Variants in FRMD3 observed in about 807,000 individuals in gnomAD.
FRMD3 encodes FERM domain containing 3, also known as FERM domain-containing protein 3.
A neutral mutation model predicts 70.2 loss-of-function variants in FRMD3; 33 were observed. That is an observed-to-expected ratio of 0.47 (90% CI 0.36 to 0.63). The LOEUF (loss-of-function observed/expected upper bound fraction) is 0.63. Ranked by LOEUF, FRMD3 falls within the 20% of genes least tolerant of loss-of-function variation. The probability of loss-of-function intolerance (pLI) is 0.00; values close to 1 mark genes in which losing one functional copy is unlikely to be tolerated. For synonymous variants in FRMD3, 279 were observed against 255.9 expected, an observed-to-expected ratio of 1.09 and a Z score of -0.86; for missense variants, 632 against 711.4, an observed-to-expected ratio of 0.89 and a Z score of 1.27.
intron 1 of FRMD3, among the ~76,000 whole-genome samples, chr9:83,511,572 G>A (rs767708881): frequency 5.9e-5 from 9 of 152,158 alleles, no homozygotes; most frequent in Non-Finnish European, 1.0e-4. Context: ...AGGAAAGAGC[G>A]CCAAGAAGGT....
At chr9:83,443,687 C>T (rs1564079968) in intron 1 of FRMD3, among the ~76,000 whole-genome samples, 1 of 152,190 alleles carries the variant, frequency 6.6e-6, no homozygotes, top group Non-Finnish European at 1.5e-5. Flanking sequence ...GATGGTATTT[C>T]TAGTTCCAGA....
chr9:83,559,906 T>C, the FRMD3 span, among the ~76,000 whole-genome samples: 1 of 152,062 alleles, frequency 6.6e-6, no homozygotes, highest in South Asian at 2.1e-4. Context: ...TAATATCTTA[T>C]ATTTTATCTA....
chr9:83,452,503 A>G (rs1261140786), intron 1 of FRMD3, among the ~76,000 whole-genome samples: 3 of 151,922 alleles, frequency 2.0e-5, no homozygotes, highest in Non-Finnish European at 2.9e-5. Context: ...TTTTTTTGAG[A>G]CGGAGTCTCG....
intron 1 of FRMD3, among the ~76,000 whole-genome samples, chr9:83,520,658 A>G (rs1829550843): frequency 6.6e-6 from 1 of 152,226 alleles, no homozygotes; most frequent in Non-Finnish European, 1.5e-5. Flanking sequence ...GCACAGATAC[A>G]GAACAGTGTT....
intron 1 of FRMD3, among the ~76,000 whole-genome samples, chr9:83,399,089 G>A (rs1825881993): frequency 6.6e-6 from 1 of 152,170 alleles, no homozygotes; most frequent in Non-Finnish European, 1.5e-5. Flanking sequence ...TAGTATTAAA[G>A]CTAGAGAAGT....
upstream of FRMD3, among the ~76,000 whole-genome samples, chr9:83,541,621 A>T (rs550277671): frequency 6.6e-6 from 1 of 152,364 alleles, no homozygotes; most frequent in Non-Finnish European, 1.5e-5. Context: ...AAGACACTGC[A>T]GTCAAAAGGA....
intron 1 of FRMD3, among the ~76,000 whole-genome samples, chr9:83,422,546 T>C (rs942887518): frequency 6.6e-6 from 1 of 152,236 alleles, no homozygotes; most frequent in African/African-American, 2.4e-5. Context: ...AATGTTAGAA[T>C]AAACGTTCTT....
chr9:83,283,546 AAATAAT>A (rs141284669), intron 13 of FRMD3, among the ~76,000 whole-genome samples: 1,625 of 25,744 alleles, frequency 0.063, 44 homozygotes, highest in African/African-American at 0.071. Flanking sequence ...AAAAAAAAAA[AAATAAT>A]AATAATAATA....
intron 1 of FRMD3, among the ~76,000 whole-genome samples, chr9:83,396,433 T>A (rs1454986764): frequency 6.6e-6 from 1 of 152,222 alleles, no homozygotes; most frequent in Admixed American, 6.5e-5. Flanking sequence ...CACATGCGTG[T>A]ACACACATGC....
chr9:83,482,559 G>A (rs1270078784), intron 1 of FRMD3, among the ~76,000 whole-genome samples: 1 of 152,148 alleles, frequency 6.6e-6, no homozygotes, highest in Admixed American at 6.5e-5. Flanking sequence ...TTACAAGCTA[G>A]TCAGTAAGAT....
chr9:83,355,761 G>A (rs1824314924), intron 3 of FRMD3, among the ~76,000 whole-genome samples: 1 of 152,214 alleles, frequency 6.6e-6, no homozygotes, highest in African/African-American at 2.4e-5. Context: ...GAATGGGGAA[G>A]ACTGAATTGA....
At chr9:83,481,942 A>G (rs1828575217) in intron 1 of FRMD3, among the ~76,000 whole-genome samples, 1 of 130,316 alleles carries the variant, frequency 7.7e-6, no homozygotes, top group Non-Finnish European at 1.6e-5. Flanking sequence ...AAGTACACAT[A>G]GAAAGTGCTG....
At chr9:83,504,720 C>T (rs1829145546) in intron 1 of FRMD3, among the ~76,000 whole-genome samples, 1 of 152,084 alleles carries the variant, frequency 6.6e-6, no homozygotes, top group Non-Finnish European at 1.5e-5. Context: ...CCCCCTTACT[C>T]AACTTTATTT....
chr9:83,278,927 A>G (rs1833879325), intron 13 of FRMD3, among the ~76,000 whole-genome samples: 1 of 152,152 alleles, frequency 6.6e-6, no homozygotes. Context: ...CCTCCCCAGT[A>G]AGGGTACAAT....
chr9:83,481,756 T>G (rs977387223), intron 1 of FRMD3, among the ~76,000 whole-genome samples: 6 of 152,076 alleles, frequency 3.9e-5, no homozygotes, highest in Admixed American at 3.9e-4. Flanking sequence ...GAAGGGAAAC[T>G]CTGAAGGCTG....
intron 6 of FRMD3, among the ~76,000 whole-genome samples, chr9:83,328,136 T>C (rs1192059470): frequency 6.6e-6 from 1 of 151,408 alleles, no homozygotes; most frequent in Non-Finnish European, 1.5e-5. Flanking sequence ...CATAATTGTG[T>C]AGCCTTGGAT....
At chr9:83,431,170 G>A (rs1826965005) in intron 1 of FRMD3, among the ~76,000 whole-genome samples, 1 of 152,188 alleles carries the variant, frequency 6.6e-6, no homozygotes, top group Non-Finnish European at 1.5e-5. Flanking sequence ...ATGTCCAATA[G>A]CGTGGATGTT....
At chr9:83,529,770 A>G (rs760425425) in intron 1 of FRMD3, among the ~76,000 whole-genome samples, 2 of 152,258 alleles carry the variant, frequency 1.3e-5, no homozygotes, top group South Asian at 4.1e-4. Flanking sequence ...TGTCCAGAAT[A>G]TATGAAGAAC....
intron 10 of FRMD3, among the ~76,000 whole-genome samples, chr9:83,304,849 T>C (rs1835061954): frequency 6.6e-6 from 1 of 152,284 alleles, no homozygotes; most frequent in Admixed American, 6.5e-5. Context: ...AGCTCTTAAA[T>C]GGTGAATAAG....
Sources: allele counts gnomAD v4.1 joint callset (sites outside exome capture counted in the v4.1 genomes callset), GRCh38; gene constraint gnomAD v4.1.1; transcripts MANE v1.5; gene names NCBI Gene and HGNC (gene_info 2026-07-23, HGNC 2026-07-21).